LRRC49: variants seen among roughly 807,000 people sequenced by gnomAD.
The protein encoded by LRRC49 is leucine-rich repeat-containing protein 49.
A neutral mutation model predicts 83.3 loss-of-function variants in LRRC49; 50 were observed. The ratio of observed to expected loss-of-function variants is 0.60; its 90% CI spans 0.48 to 0.76. The LOEUF is 0.76. LRRC49 is among the 30% of genes least tolerant of loss of function. The pLI is 0.00. For synonymous variants in LRRC49, 286 were observed against 283.3 expected, an observed-to-expected ratio of 1.01 and a Z score of -0.10; for missense variants, 704 against 809.1, an observed-to-expected ratio of 0.87 and a Z score of 1.58.
rs544697561 is a variant in LRRC49, at chr15:70,854,895, C to A, written c.-299+1426C>A. 4.6e-5 allele frequency among the ~76,000 whole-genome samples: 7 copies of A among 152,242 alleles called. No individual in the cohort carries two copies. The South Asian group carries it at 1.2e-3, about 27-fold the overall frequency. Reference sequence around the variant, plus strand: ...GAGTATGCCCTGCACATAGTATGCACTCAGATGTTTGTTGAATGAATAAAG... The same window carrying A: ...GAGTATGCCCTGCACATAGTATGCAATCAGATGTTTGTTGAATGAATAAAG... On this transcript the variant is annotated intron_variant, in intron 1 of 16. Transcript: ENST00000544974.
intron 15 of LRRC49, among the ~76,000 whole-genome samples, chr15:71,048,075 C>T (rs2039907340): frequency 7.1e-6 from 1 of 140,454 alleles, no homozygotes; most frequent in Non-Finnish European, 1.5e-5. Context: ...TGCACCGGGC[C>T]AAATTTTTTT....
chr15:70,972,331 T>C (rs1489131587), intron 9 of LRRC49, among the ~76,000 whole-genome samples: 1 of 152,224 alleles, frequency 6.6e-6, no homozygotes, highest in African/African-American at 2.4e-5. Context: ...TTCTGGCTTG[T>C]AGGGTTTCTG....
At chr15:70,985,570 T>G (rs1441371412) in intron 11 of LRRC49, among the ~76,000 whole-genome samples, 2 of 152,196 alleles carry the variant, frequency 1.3e-5, no homozygotes, top group African/African-American at 2.4e-5. Flanking sequence ...TTTCTCCCAT[T>G]TTGTAAGTTG....
intron 8 of LRRC49, among the ~76,000 whole-genome samples, chr15:70,937,471 C>A (rs994263013): frequency 6.6e-6 from 1 of 152,140 alleles, no homozygotes; most frequent in Non-Finnish European, 1.5e-5. Context: ...CTCCTCCTTC[C>A]CAGGAGCCAC....
chr15:70,861,668 A>G (rs2032793139), intron 1 of LRRC49, among the ~76,000 whole-genome samples: 1 of 152,208 alleles, frequency 6.6e-6, no homozygotes, highest in Non-Finnish European at 1.5e-5. Flanking sequence ...TTGTTTTGAC[A>G]CATACTTTGG....
intron 1 of LRRC49, 147 bp downstream of exon 1, chr15:70,893,089 C>A: frequency 3.4e-6 from 3 of 876,584 alleles, no homozygotes; most frequent in Non-Finnish European, 1.9e-6. Flanking sequence ...GGTTCGTGGG[C>A]TGGACCAAGG....
intron 1 of LRRC49, among the ~76,000 whole-genome samples, chr15:70,862,389 T>G (rs1277602341): frequency 6.6e-6 from 1 of 151,812 alleles, no homozygotes; most frequent in East Asian, 1.9e-4. Context: ...CCATCCTGGC[T>G]AACAACGTGA....
intron 15 of LRRC49, chr15:71,048,644 T>C: frequency 2.6e-6 from 1 of 386,010 alleles, no homozygotes; most frequent in Admixed American, 3.2e-5. Context: ...GAAGTATCAA[T>C]AGCCAAAATA....
chr15:70,994,222 A>G (rs112277790), intron 11 of LRRC49, among the ~76,000 whole-genome samples: 47 of 152,302 alleles, frequency 3.1e-4, no homozygotes, highest in African/African-American at 1.1e-3. Context: ...CAATTTGCTA[A>G]TAACCTTTTA....
chr15:70,898,063 T>A (rs1426121870), intron 3 of LRRC49, among the ~76,000 whole-genome samples: 1 of 152,166 alleles, frequency 6.6e-6, no homozygotes. Flanking sequence ...TATGGCAATA[T>A]GTACTATGCC....
Position 70,977,730 on chromosome 15 carries a change from C to T in LRRC49, c.922-2371C>T, listed in dbSNP as rs1010989952. On this transcript the variant is annotated intron_variant, in intron 9 of 15. Coordinates refer to ENST00000260382, the MANE Select transcript of LRRC49 (RefSeq NM_017691.5). ...TAAAATTACATTACATTTCCATTTC[C>T]ATTTCCTTTAAAACAACTAAATCAT... Among the ~76,000 whole-genome samples, 4 of 151,998 alleles carry T rather than the reference C, an allele frequency of 2.6e-5. No individual in the cohort carries two copies. In the South Asian group the frequency reaches 6.2e-4, roughly 24 times the overall value.
chr15:70,859,605 A>T, intron 1 of LRRC49: 1 of 646,406 alleles, frequency 1.5e-6, no homozygotes, highest in East Asian at 3.7e-5. Context: ...AAGCTTGGGC[A>T]TGACCTGCAG....
At chr15:71,001,957 C>G (rs1372612091) in intron 11 of LRRC49, among the ~76,000 whole-genome samples, 2 of 152,168 alleles carry the variant, frequency 1.3e-5, no homozygotes, top group African/African-American at 4.8e-5. Context: ...TCCCAAAGTG[C>G]TGGGATTACA....
intron 2 of LRRC49, among the ~76,000 whole-genome samples, chr15:70,880,393 T>C (rs1234289636): frequency 1.3e-5 from 2 of 152,236 alleles, no homozygotes; most frequent in Non-Finnish European, 2.9e-5. Flanking sequence ...ATCACCAATG[T>C]ATCCTTAGTG....
At position 70,909,839 on chromosome 15, in the gene LRRC49, AACACACACACAC is replaced by A. The variant is rs146189261; in HGVS notation, c.501-1665_501-1654del. Reference sequence around the variant, plus strand: ...GGTGACAGGGCGAGACTCCATCTCAAACACACACACACACACACACACACACACACACACACA... The same window carrying A: ...GGTGACAGGGCGAGACTCCATCTCAAACACACACACACACACACACACACA... On this transcript the variant is annotated intron_variant, in intron 5 of 15. Coordinates refer to ENST00000260382, the MANE Select transcript of LRRC49 (RefSeq NM_017691.5). Among the ~76,000 whole-genome samples, 11 of 136,152 alleles carry A rather than the reference AACACACACACAC, an allele frequency of 8.1e-5. No homozygotes were observed. The East Asian group carries it at 8.6e-4, about 11-fold the overall frequency. The allele number at this position is 136,152 out of a possible 152,430, so 89.3% of individuals were successfully genotyped here.
chr15:71,028,435 A>T (rs924574206), intron 14 of LRRC49, among the ~76,000 whole-genome samples: 1 of 152,046 alleles, frequency 6.6e-6, no homozygotes, highest in African/African-American at 2.4e-5. Flanking sequence ...GCCAGGTTTC[A>T]GTATCAGGAT....
At chr15:70,892,372 C>A, upstream of LRRC49, 1 of 1,546,906 alleles carries the variant, frequency 6.5e-7, no homozygotes, top group East Asian at 2.4e-5. Context: ...CCCCTCCTCA[C>A]CTGTCCACTC....
upstream of LRRC49, chr15:70,892,797 G>C: frequency 6.2e-7 from 1 of 1,612,602 alleles, no homozygotes. Flanking sequence ...ACCCTGAGCA[G>C]GTTGCCTGGG....
chr15:70,973,523 C>A (rs1043138390), intron 9 of LRRC49, among the ~76,000 whole-genome samples: 2 of 152,188 alleles, frequency 1.3e-5, no homozygotes, highest in Admixed American at 6.5e-5. Flanking sequence ...GCTGGGAGAT[C>A]CGCTGCTCTC....
Sources: allele counts gnomAD v4.1 joint callset (sites outside exome capture counted in the v4.1 genomes callset), GRCh38; gene constraint gnomAD v4.1.1; transcripts MANE v1.5; gene names NCBI Gene and HGNC (gene_info 2026-07-23, HGNC 2026-07-21).